The following SPECC1L variants were observed in gnomAD, a reference collection of about 807,000 sequenced individuals.
The protein encoded by SPECC1L is sperm antigen with calponin homology and coiled-coil domains 1 like, also known as cytospin-A.
Under a neutral mutation model 116.8 loss-of-function variants are expected in SPECC1L, and 40 were observed. The observed-to-expected ratio is 0.34, with a 90% CI of 0.27 to 0.45. The LOEUF is 0.45. Ranked by LOEUF, SPECC1L falls within the 20% of genes least tolerant of loss-of-function variation. The pLI, the probability that SPECC1L is intolerant of heterozygous loss-of-function variation, is 1.00. For synonymous variants in SPECC1L, 504 were observed against 500.6 expected (o/e 1.01, Z -0.09); for missense variants, 1,110 against 1,373.6 (o/e 0.81, Z 3.03).
chr22:24,323,091 A>G, intron 5 of SPECC1L, 173 bp downstream of exon 5: 1 of 983,144 alleles, frequency 1.0e-6, no homozygotes, highest in South Asian at 4.7e-5. Flanking sequence ...TGTGAAAAGT[A>G]TTCTTAAGAT....
chr22:24,348,169 C>T (rs1172682954), intron 11 of SPECC1L, among the ~76,000 whole-genome samples: 1 of 152,046 alleles, frequency 6.6e-6, no homozygotes, highest in Non-Finnish European at 1.5e-5. Flanking sequence ...TGGGAATGTT[C>T]CCAAGTGTCC....
intron 12 of SPECC1L, 125 bp from the exon 13 acceptor site, chr22:24,365,351 T>C (rs1055803173): frequency 4.2e-5 from 35 of 832,826 alleles, no homozygotes; most frequent in Non-Finnish European, 5.7e-5. Context: ...TTTCCAGTTA[T>C]CAATATTAGT....
At position 24,346,733 on chromosome 22, in the gene SPECC1L, A is replaced by G. The variant is rs565313222; in HGVS notation, c.2653-353A>G. On this transcript the variant is annotated intron_variant, in intron 10 of 16. Coordinates refer to ENST00000314328, the MANE Select transcript of SPECC1L (RefSeq NM_015330.6). Reference sequence around the variant, plus strand: ...CTGTATCAGTAACATATAAATGACTATATAAGATAATGACTATATCAGTAT... The same window carrying G: ...CTGTATCAGTAACATATAAATGACTGTATAAGATAATGACTATATCAGTAT... Among the ~76,000 whole-genome samples, 6 of 152,264 alleles carry G rather than the reference A, an allele frequency of 3.9e-5. No homozygotes were observed. In the South Asian group the frequency reaches 1.2e-3, roughly 32 times the overall value.
intron 14 of SPECC1L, among the ~76,000 whole-genome samples, chr22:24,373,206 T>C (rs2041905030): frequency 6.6e-6 from 1 of 152,140 alleles, no homozygotes; most frequent in African/African-American, 2.4e-5. Flanking sequence ...CTGCCCAAGG[T>C]AATTTATAGA....
chr22:24,407,714 C>CT (rs985798495), intron 14 of SPECC1L, among the ~76,000 whole-genome samples: 3 of 152,142 alleles, frequency 2.0e-5, no homozygotes, highest in South Asian at 2.1e-4. Flanking sequence ...AGACCTGGCT[C>CT]TTTTTTTTAG....
At chr22:24,273,789 G>A (rs1300088062) in intron 1 of SPECC1L, among the ~76,000 whole-genome samples, 3 of 152,034 alleles carry the variant, frequency 2.0e-5, no homozygotes, top group Non-Finnish European at 4.4e-5. Flanking sequence ...AGACAGTTTC[G>A]CTCTTGTTGC....
chr22:24,289,608 G>A (rs2049118724), intron 2 of SPECC1L, among the ~76,000 whole-genome samples: 1 of 152,008 alleles, frequency 6.6e-6, no homozygotes, highest in South Asian at 2.1e-4. Flanking sequence ...ATAAGTTAGT[G>A]TGAGTGAGCT....
intron 10 of SPECC1L, among the ~76,000 whole-genome samples, chr22:24,343,908 G>C (rs982532588): frequency 2.0e-5 from 3 of 152,156 alleles, no homozygotes; most frequent in Admixed American, 2.0e-4. Flanking sequence ...ATGGGACTTT[G>C]CTGTACTATC....
chr22:24,365,592 C>T lies in SPECC1L; in HGVS notation c.2944C>T (p.Pro982Ser). ...TSPQLSLSSS[P>S]TASVTPTTRS... ...TCCACAGCTTTCCCTGTCCTCTTCT[C>T]CAACGGCATCTGTGACTCCCACCAC... Residue 982 changes from proline (P) to serine (S), a missense_variant, in exon 13 of 17, where the codon CCA becomes TCA. By Grantham distance (74) the Pro-to-Ser change is moderately conservative (BLOSUM62 -1). Transcript: ENST00000314328. The T allele has an allele frequency of 6.2e-7, 1 of 1,614,178 alleles. No individual in the cohort carries two copies. The highest frequency in any genetic ancestry group is 1.1e-5 in the South Asian group (1 of 91,084).
In SPECC1L at chr22:24,330,309, C is replaced by T; in HGVS notation, c.2274C>T (p.Val758=). The change falls in exon 8 of 17, where the codon GTC becomes GTT. Residue 758 remains valine (V), a synonymous_variant. Coordinates refer to ENST00000314328, the MANE Select transcript of SPECC1L (RefSeq NM_015330.6). ...AGGCTGATCTCCAGACTGCAGTAGT[C>T]ATTGCAAATGACATTAAATCTGAAG... The part of the protein sequence containing the change: ...QFQADLQTAV[V]IANDIKSEAQ... The T allele has an allele frequency of 6.2e-7, 1 of 1,614,072 alleles. No individual in the cohort carries two copies. The highest frequency in any genetic ancestry group is 1.3e-5 in the African/African-American group (1 of 75,002).
intron 3 of SPECC1L, among the ~76,000 whole-genome samples, chr22:24,310,041 T>C (rs1189826496): frequency 1.3e-5 from 2 of 152,232 alleles, no homozygotes; most frequent in African/African-American, 4.8e-5. Flanking sequence ...ATTCTTCTCA[T>C]GTTTCTTTTT....
chr22:24,394,549 G>GA (rs1222172269), intron 14 of SPECC1L, among the ~76,000 whole-genome samples: 1 of 152,214 alleles, frequency 6.6e-6, no homozygotes, highest in African/African-American at 2.4e-5. Context: ...AAGGACATCT[G>GA]AAAAGTGGAC....
At chr22:24,389,193 T>C (rs554944474) in intron 14 of SPECC1L, among the ~76,000 whole-genome samples, 1 of 150,076 alleles carries the variant, frequency 6.7e-6, no homozygotes, top group South Asian at 2.1e-4. Context: ...CTTGGCTTAC[T>C]GCAACCTCTG....
intron 14 of SPECC1L, among the ~76,000 whole-genome samples, chr22:24,398,145 C>T (rs993294560): frequency 1.3e-5 from 2 of 152,190 alleles, no homozygotes; most frequent in Non-Finnish European, 2.9e-5. Flanking sequence ...AGAGGCCTCT[C>T]CTGGGGCCAA....
chr22:24,321,889 G>C lies in SPECC1L; in HGVS notation c.909G>C (p.Gln303His). 1.2e-6 allele frequency: 2 copies of C among 1,614,250 alleles called. No individual in the cohort carries two copies. The highest frequency in any genetic ancestry group is 1.7e-6 in the Non-Finnish European group (2 of 1,180,050). ...GCCCAGAAATCACCCCTGGTAACCA[G>C]AGCGATGGAGGAGGAACTCTGACTT... ...SLSPEITPGN[Q>H]SDGGGTLTSS... The change falls in exon 5 of 17, where the codon CAG becomes CAC. Residue 303 changes from glutamine (Q) to histidine (H), a missense_variant. Gln to His is a conservative substitution (Grantham distance 24). Coordinates refer to ENST00000314328, the MANE Select transcript of SPECC1L (RefSeq NM_015330.6).
rs144225711 is a variant in SPECC1L at position 24,300,593 on chromosome 22, G to A, written c.-37-1602G>A. On this transcript the variant is annotated intron_variant, in intron 2 of 16. Transcript: ENST00000314328. ...GAAGTAATTTACATTTCCACCAACA[G>A]TGTAAAAGCATTCCTATTTCTCCAC... Among the ~76,000 whole-genome samples the A allele has an allele frequency of 1.3e-3, 203 of 152,312 alleles. 3 individuals carry two copies. The East Asian group carries it at 0.031, about 23-fold the overall frequency.
chr22:24,358,797 A>G (rs2041583231), intron 11 of SPECC1L, among the ~76,000 whole-genome samples: 3 of 152,206 alleles, frequency 2.0e-5, no homozygotes, highest in Non-Finnish European at 4.4e-5. Flanking sequence ...AAATCTATTT[A>G]CCTATAAGTT....
At position 24,411,569 on chromosome 22, in the gene SPECC1L, T is replaced by G. The variant is rs1387988271; in HGVS notation, c.3088-19T>G. ...GTCCCAGCATGTGTTGGTTACATGT[T>G]TTTCTTCCTTTCCTTCAGAATATTG... On this transcript the variant is annotated intron_variant, in intron 14 of 16. Transcript: ENST00000314328. 3 of 1,609,762 alleles carry G rather than the reference T, an allele frequency of 1.9e-6. No individual in the cohort carries two copies. In the East Asian group the frequency reaches 6.7e-5, roughly 36 times the overall value.
intron 14 of SPECC1L, among the ~76,000 whole-genome samples, chr22:24,390,547 CTAAG>C (rs1269250461): frequency 1.3e-5 from 2 of 152,264 alleles, no homozygotes; most frequent in Middle Eastern, 3.4e-3. Context: ...TGCATGGAAA[CTAAG>C]TATACAGAAA....
Sources: allele counts gnomAD v4.1 joint callset (sites outside exome capture counted in the v4.1 genomes callset), GRCh38; gene constraint gnomAD v4.1.1; transcripts MANE v1.5; gene names NCBI Gene and HGNC (gene_info 2026-07-23, HGNC 2026-07-21).